The following ZNF485 variants were observed in gnomAD, a reference collection of about 807,000 sequenced individuals.
The protein encoded by ZNF485 is Zinc finger protein 93 (Zinc finger protein HTF34).
ZNF485 carries 9 observed loss-of-function variants against 10.8 expected under a neutral mutation model. The ratio of observed to expected loss-of-function variants is 0.83; its 90% confidence interval spans 0.50 to 1.45. The LOEUF is 1.45. Ranked by LOEUF, ZNF485 falls within the 40% of genes most tolerant of loss-of-function variation. ZNF485 has a pLI of 0.00. For missense variants in ZNF485, 487 were observed against 528.0 expected, an observed-to-expected ratio of 0.92 and a Z score of 0.76; for synonymous variants, 187 against 181.0, an observed-to-expected ratio of 1.03 and a Z score of -0.27.
chr10:43,617,078 G>A lies in ZNF485; in HGVS notation c.1035G>A (p.Gln345=). 1 of 1,614,196 alleles carries A rather than the reference G, an allele frequency of 6.2e-7. No individual in the cohort carries two copies. Among genetic ancestry groups the A allele is most frequent in the Non-Finnish European group, 8.5e-7 (1 of 1,180,032 alleles). ...FRYSSSFAGH[Q]KTHSGNKPYQ... is the part of the protein sequence containing the mutation. Reference sequence around the variant, plus strand: ...ATAGCTCATCCTTTGCTGGTCATCAGAAAACTCACAGTGGAAATAAACCGT... The same window carrying A: ...ATAGCTCATCCTTTGCTGGTCATCAAAAAACTCACAGTGGAAATAAACCGT... The change falls in exon 5 of 5, where the codon CAG becomes CAA. Residue 345 remains glutamine, a synonymous_variant. Coordinates refer to ENST00000361807, the MANE Select transcript of ZNF485 (RefSeq NM_145312.4).
intron 4 of ZNF485, among the ~76,000 whole-genome samples, chr10:43,613,897 T>C (rs972960081): frequency 2.0e-5 from 3 of 152,198 alleles, no homozygotes; most frequent in Non-Finnish European, 4.4e-5. Context: ...TTCATATCCA[T>C]GTCTCTATAT....
At chr10:43,610,130 T>C (rs139652656) in intron 4 of ZNF485, among the ~76,000 whole-genome samples, 2 of 152,356 alleles carry the variant, frequency 1.3e-5, no homozygotes, top group African/African-American at 2.4e-5. Context: ...AAACACATTG[T>C]TGGGGAAGCA....
intron 4 of ZNF485, among the ~76,000 whole-genome samples, chr10:43,613,890 A>G (rs760596925): frequency 3.3e-5 from 5 of 152,102 alleles, no homozygotes; most frequent in Non-Finnish European, 7.3e-5. Context: ...TGTGGTTTTC[A>G]TATCCATGTC....
chr10:43,606,856 C>G, intron 1 of ZNF485, 141 bp from the exon 2 acceptor site: 1 of 634,348 alleles, frequency 1.6e-6, no homozygotes. Flanking sequence ...CGTTCCCTTT[C>G]CTTTCTTCCC....
intron 4 of ZNF485, among the ~76,000 whole-genome samples, chr10:43,614,861 T>A (rs1480270247): frequency 3.9e-5 from 6 of 152,034 alleles, no homozygotes; most frequent in Non-Finnish European, 2.9e-5. Context: ...GGTTTATATA[T>A]TTTTTTTCTC....
intron 4 of ZNF485, among the ~76,000 whole-genome samples, chr10:43,613,601 T>C (rs888063504): frequency 5.9e-5 from 9 of 152,240 alleles, no homozygotes; most frequent in African/African-American, 1.9e-4. Flanking sequence ...GCAGTTTCTC[T>C]CTTACATTCA....
At chr10:43,611,949 A>G (rs1360769677) in intron 4 of ZNF485, among the ~76,000 whole-genome samples, 1 of 152,158 alleles carries the variant, frequency 6.6e-6, no homozygotes, top group East Asian at 1.9e-4. Context: ...TATCAGCTTT[A>G]TATTAACAAA....
Position 43,616,522 on chromosome 10 carries a change from G to C in ZNF485, c.479G>C (p.Cys160Ser), listed in dbSNP as rs1198495169. 6.2e-7 allele frequency: 1 copy of C among 1,614,132 alleles called. No homozygotes were observed. Among genetic ancestry groups the C allele is most frequent in the Admixed American group, 1.7e-5 (1 of 60,018 alleles). The stretch of plus-strand genomic sequence containing the variant: ...CACACCAGTGAGAAACCACATAAAT[G>C]TAAAGAATGTGGGATCGCCTTTATG... ...RNHTSEKPHK[C>S]KECGIAFMNS... The change falls in exon 5 of 5, where the codon TGT becomes TCT. Residue 160 changes from cysteine to serine, a missense_variant. Cys to Ser is a moderately radical substitution (Grantham distance 112, BLOSUM62 -1). Transcript: ENST00000361807.
Position 43,609,288 on chromosome 10 carries a change from A to G in ZNF485, c.185A>G (p.Gln62Arg), listed in dbSNP as rs139531096. The G allele has an allele frequency of 1.6e-5, 26 of 1,613,580 alleles. No homozygotes were observed. Among genetic ancestry groups the G allele is most frequent in the Non-Finnish European group, 2.0e-5 (24 of 1,179,916 alleles). Residue 62 changes from glutamine to arginine, a missense_variant, in exon 4 of 5, where the codon CAG (glutamine) becomes CGG (arginine). Physicochemically the swap from Gln to Arg is conservative, Grantham distance 43 (BLOSUM62 1). Coordinates refer to ENST00000361807, the MANE Select transcript of ZNF485 (RefSeq NM_145312.4). ...LLSSKPKLIT[Q>R]LEQGAEPWTE... ...TCTTCCAAACCAAAACTAATTACTC[A>G]GTTGGAGCAAGGGGCAGAGCCCTGG...
rs1361240683 is a variant in ZNF485 at position 43,617,852 on chromosome 10, A to G, written c.*483A>G. The G allele has an allele frequency of 2.6e-5, 4 of 152,570 alleles. No homozygotes were observed. The highest frequency in any genetic ancestry group is 5.8e-5 in the Non-Finnish European group (4 of 68,378). 9.5% of individuals were successfully genotyped at this position (152,570 alleles called of 1,614,324 possible). On this transcript the variant is annotated 3_prime_UTR_variant, in exon 5 of 5. Transcript: ENST00000361807. ...TAAAGAAGCAAGTTTCAGGAAATCT[A>G]TATTATATGCATTCAAAAAGACCTG...
At chr10:43,615,232 G>A (rs1046699327) in intron 4 of ZNF485, among the ~76,000 whole-genome samples, 4 of 152,186 alleles carry the variant, frequency 2.6e-5, no homozygotes, top group South Asian at 2.1e-4. Flanking sequence ...TAAGAAAAGC[G>A]CATTTAGTAA....
chr10:43,616,898 G>A lies in ZNF485; in HGVS notation c.855G>A (p.Val285=), dbSNP rs756352443. 1 of 1,614,108 alleles carries A rather than the reference G, an allele frequency of 6.2e-7. No individual in the cohort carries two copies. The highest frequency in any genetic ancestry group is 1.3e-5 in the African/African-American group (1 of 75,066). ...GAGCTTTCAGGGATAATTCAACTGT[G>A]TTGGAACATCAGAAAATCCATACTG... is the stretch of plus-strand genomic sequence containing the variant. ...CGRAFRDNST[V]LEHQKIHTGE... is the part of the protein sequence containing the mutation. Residue 285 remains valine (V), a synonymous_variant, in exon 5 of 5, where the codon GTG becomes GTA. Transcript: ENST00000361807.
chr10:43,606,809 G>A (rs1457868200), intron 1 of ZNF485, among the ~76,000 whole-genome samples, 188 bp from the exon 2 acceptor site: 1 of 152,244 alleles, frequency 6.6e-6, no homozygotes, highest in African/African-American at 2.4e-5. Context: ...AGTGTTTGGC[G>A]TGGAGCTGGC....
intron 3 of ZNF485, 110 bp from the exon 4 acceptor site, chr10:43,609,145 T>C: frequency 1.2e-6 from 1 of 816,958 alleles, no homozygotes; most frequent in Non-Finnish European, 2.0e-6. Flanking sequence ...TTGCAGATGC[T>C]CAAGTTGACA....
rs73260736 is a variant in ZNF485 at position 43,615,985 on chromosome 10, T to C, written c.248-306T>C. The stretch of plus-strand genomic sequence containing the variant: ...CCTCAATTTTGTATTTATTCTCACA[T>C]TGTCTTTTTTCTTTTTTAGCTGTTT... On this transcript the variant is annotated intron_variant, in intron 4 of 4. Coordinates refer to ENST00000361807, the MANE Select transcript of ZNF485 (RefSeq NM_145312.4). Among the ~76,000 whole-genome samples the C allele has an allele frequency of 1.0e-3, 157 of 152,342 alleles. 1 individual carries two copies. Among genetic ancestry groups the C allele is most frequent in the African/African-American group, 3.5e-3 (147 of 41,596 alleles).
chr10:43,609,452 G>T (rs890788820), intron 4 of ZNF485, 102 bp downstream of exon 4: 13 of 857,776 alleles, frequency 1.5e-5, no homozygotes, highest in Non-Finnish European at 2.0e-5. Context: ...GTGCAGAAAG[G>T]CACTGGTTTC....
At position 43,609,309 on chromosome 10, in the gene ZNF485, C is replaced by T; in HGVS notation, c.206C>T (p.Pro69Leu). Residue 69 changes from proline (P) to leucine (L), a missense_variant, in exon 4 of 5, where the codon CCC becomes CTC. Transcript: ENST00000361807. ...ACTCAGTTGGAGCAAGGGGCAGAGC[C>T]CTGGACTGAGGTGCGAGAGGCTCCA... is the stretch of plus-strand genomic sequence containing the variant. ...LITQLEQGAE[P>L]WTEVREAPSG... The T allele has an allele frequency of 6.2e-7, 1 of 1,614,008 alleles. No homozygotes were observed. Among genetic ancestry groups the T allele is most frequent in the Non-Finnish European group, 8.5e-7 (1 of 1,179,938 alleles).
chr10:43,613,707 TG>T lies in ZNF485; in HGVS notation c.248-2581del, dbSNP rs1323646187. On this transcript the variant is annotated intron_variant, in intron 4 of 4. Transcript: ENST00000361807. Reference sequence around the variant, plus strand: ...GGTTCCTACGTGGCTACATTTCTGTTGGGCATGTATTCAGCTTTAGTATATA... The same window carrying T: ...GGTTCCTACGTGGCTACATTTCTGTTGGCATGTATTCAGCTTTAGTATATA... Among the ~76,000 whole-genome samples the T allele has an allele frequency of 2.6e-5, 4 of 152,366 alleles. No homozygotes were observed. In the East Asian group the frequency reaches 7.7e-4, roughly 29 times the overall value.
In ZNF485 at chr10:43,606,983, C is replaced by G. The variant is rs1838660482; in HGVS notation, c.-54-14C>G. On this transcript the variant is annotated splice_polypyrimidine_tract_variant and intron_variant, in intron 1 of 4. Coordinates refer to ENST00000361807, the MANE Select transcript of ZNF485 (RefSeq NM_145312.4). ...CACGGAGGGACTTCCTCAATTTCCT[C>G]TCTTCTTTCCCAGATTGACTTACGC... 2 of 1,545,842 alleles carry G rather than the reference C, an allele frequency of 1.3e-6. No individual in the cohort carries two copies. The highest frequency in any genetic ancestry group is 1.4e-5 in the African/African-American group (1 of 73,068).
Sources: gnomAD v4.1 joint callset for allele counts (sites outside exome capture counted in the v4.1 genomes callset) on GRCh38, gnomAD v4.1.1 for gene constraint, MANE v1.5 for transcripts, NCBI Gene and HGNC (gene_info 2026-07-23, HGNC 2026-07-21) for gene names.